The following FRAS1 variants were observed in gnomAD, a reference collection of about 807,000 sequenced individuals.
The protein encoded by FRAS1 is extracellular matrix organizing protein FRAS1.
A neutral mutation model predicts 435.2 loss-of-function variants in FRAS1; 290 were observed. That is an observed-to-expected ratio of 0.67 (90% CI 0.61 to 0.73). The LOEUF (loss-of-function observed/expected upper bound fraction) is 0.73. Ranked by LOEUF, FRAS1 falls within the 30% of genes least tolerant of loss-of-function variation. FRAS1 has a pLI of 0.00. For synonymous variants in FRAS1, 1,800 were observed against 1,851.0 expected, an observed-to-expected ratio of 0.97 and a Z score of 0.71; for missense variants, 4,860 against 5,001.5, an observed-to-expected ratio of 0.97 and a Z score of 0.85.
intron 23 of FRAS1, among the ~76,000 whole-genome samples, chr4:78,370,363 G>A (rs1268801265): frequency 6.6e-6 from 1 of 152,180 alleles, no homozygotes; most frequent in Non-Finnish European, 1.5e-5. Flanking sequence ...CAAAAATTGA[G>A]ATTTTCAAGT....
chr4:78,359,292 G>GA (rs1369042005), intron 20 of FRAS1, among the ~76,000 whole-genome samples: 1 of 22,918 alleles, frequency 4.4e-5, no homozygotes, highest in Non-Finnish European at 1.4e-4. Flanking sequence ...ATACTTTTCT[G>GA]TTATAAGTCA....
At chr4:78,360,058 T>G (rs1338291862) in intron 20 of FRAS1, among the ~76,000 whole-genome samples, 1 of 152,106 alleles carries the variant, frequency 6.6e-6, no homozygotes, top group Admixed American at 6.5e-5. Flanking sequence ...GAGACTTGAT[T>G]AGGAGGATAG....
At chr4:78,396,368 C>T (rs1484346) in intron 29 of FRAS1, among the ~76,000 whole-genome samples, 21,228 of 152,050 alleles carry the variant, frequency 0.14, 1,868 homozygotes, top group African/African-American at 0.25. Flanking sequence ...AATTAATGTC[C>T]TTTCATTTCA....
rs766880913 is a variant in FRAS1 at position 78,541,006 on chromosome 4, G to T, written c.11921G>T (p.Arg3974Leu). The change falls in exon 74 of 74, where the codon CGG becomes CTG. Residue 3974 changes from arginine (R) to leucine (L), a missense_variant. Transcript: ENST00000512123. ...GTGAATAGACACTACTGCACTGTGC[G>T]GAACGTCAACATCCTGAGTGAGCCT... ...KNVNRHYCTV[R>L]NVNILSEPEA... is the part of the protein sequence containing the mutation. 26 of 1,564,748 alleles carry T rather than the reference G, an allele frequency of 1.7e-5. No homozygotes were observed. The highest frequency in any genetic ancestry group is 2.3e-5 in the Non-Finnish European group (26 of 1,151,616).
In FRAS1 at chr4:78,109,424, G is replaced by T. The variant is rs1434994599; in HGVS notation, c.108+43408G>T. Among the ~76,000 whole-genome samples the T allele has an allele frequency of 4.0e-5, 6 of 151,412 alleles. No homozygotes were observed. In the South Asian group the frequency reaches 1.1e-3, roughly 27 times the overall value. On this transcript the variant is annotated intron_variant, in intron 2 of 73. Transcript: ENST00000512123. ...CCATGATCAAGTGGGCTTCATCCCTGGGATGCAAGGCTGGTTCAACATACG... is the reference window on the plus strand; with the variant it reads ...CCATGATCAAGTGGGCTTCATCCCTTGGATGCAAGGCTGGTTCAACATACG...
At chr4:78,204,525 G>C (rs1460445523) in intron 2 of FRAS1, among the ~76,000 whole-genome samples, 1 of 152,132 alleles carries the variant, frequency 6.6e-6, no homozygotes, top group African/African-American at 2.4e-5. Context: ...CTCTTTTAAA[G>C]GCGTAATTAT....
chr4:78,475,552 CT>C lies in FRAS1; in HGVS notation c.7798del (p.Ser2600ProfsTer13). On this transcript the variant is annotated frameshift_variant, in exon 54 of 74. Transcript: ENST00000512123. LOFTEE classifies it high-confidence loss of function. ...CCGAGCAAGGCACCGCCAGCTCCAGCTCCAGGGTCAGCTCCCAACCTGGGCA... is the reference window on the plus strand; with the variant it reads ...CCGAGCAAGGCACCGCCAGCTCCAGCCCAGGGTCAGCTCCCAACCTGGGCA... ...RTEQGTASSS[S>X]RVSSQPGQQD... 6.2e-7 allele frequency: 1 copy of C among 1,613,580 alleles called. No homozygotes were observed. Among genetic ancestry groups the C allele is most frequent in the Non-Finnish European group, 8.5e-7 (1 of 1,179,634 alleles).
intron 73 of FRAS1, among the ~76,000 whole-genome samples, chr4:78,540,177 GTAAA>G (rs1722004336): frequency 6.6e-6 from 1 of 152,182 alleles, no homozygotes; most frequent in Non-Finnish European, 1.5e-5. Flanking sequence ...GAAGGTCACT[GTAAA>G]TAAATGTGGT....
Position 78,432,435 on chromosome 4 carries a change from G to A in FRAS1, c.5048G>A (p.Ser1683Asn). 2 of 1,612,916 alleles carry A rather than the reference G, an allele frequency of 1.2e-6. No homozygotes were observed. The highest frequency in any genetic ancestry group is 1.1e-5 in the South Asian group (1 of 90,728). The part of the protein sequence containing the change: ...IHDGSSTRED[S>N]MEISVTDGLT... ...GATGGTTCCTCTACCCGGGAAGACA[G>A]CATGGAGATCTCAGTCACAGATGGC... is the stretch of plus-strand genomic sequence containing the variant. The change falls in exon 38 of 74, where the codon AGC becomes AAC. Residue 1683 changes from serine to asparagine, a missense_variant. By Grantham distance (46) the Ser-to-Asn change is conservative. Transcript: ENST00000512123.
At chr4:78,188,676 T>C (rs1372226732) in intron 2 of FRAS1, among the ~76,000 whole-genome samples, 1 of 152,228 alleles carries the variant, frequency 6.6e-6, no homozygotes, top group Non-Finnish European at 1.5e-5. Flanking sequence ...CTGGGGACTG[T>C]AGCTTAGCCA....
intron 18 of FRAS1, among the ~76,000 whole-genome samples, chr4:78,331,284 G>A (rs1437961417): frequency 6.6e-6 from 1 of 152,124 alleles, no homozygotes; most frequent in Non-Finnish European, 1.5e-5. Context: ...TTATTAACCA[G>A]TAAGGCAGGG....
At chr4:78,289,589 TCA>T (rs1317103159) in intron 14 of FRAS1, among the ~76,000 whole-genome samples, 2 of 152,166 alleles carry the variant, frequency 1.3e-5, no homozygotes, top group African/African-American at 4.8e-5. Context: ...GTTCTGGCAC[TCA>T]GACTTCTGCT....
At chr4:78,180,585 A>C (rs981298577) in intron 2 of FRAS1, among the ~76,000 whole-genome samples, 2 of 152,238 alleles carry the variant, frequency 1.3e-5, no homozygotes, top group Non-Finnish European at 2.9e-5. Flanking sequence ...ATTTGCAAGC[A>C]GCAATACAAA....
intron 16 of FRAS1, 56 bp downstream of exon 16, chr4:78,315,790 A>G (rs1041421106): frequency 2.1e-5 from 33 of 1,592,240 alleles, no homozygotes; most frequent in African/African-American, 5.4e-5. Context: ...ATGTTTGACT[A>G]TACTTGGTGT....
intron 15 of FRAS1, among the ~76,000 whole-genome samples, chr4:78,313,097 C>T (rs900991024): frequency 2.6e-5 from 4 of 152,080 alleles, no homozygotes; most frequent in African/African-American, 9.7e-5. Flanking sequence ...TGCAATTTTT[C>T]ATTTCTTGGA....
intron 18 of FRAS1, among the ~76,000 whole-genome samples, chr4:78,331,170 AG>A (rs1189378970): frequency 6.6e-6 from 1 of 152,226 alleles, no homozygotes; most frequent in Non-Finnish European, 1.5e-5. Flanking sequence ...TTTAAGAAAA[AG>A]AACGTTAATT....
At chr4:78,515,323 C>CTTT (rs78491600) in intron 65 of FRAS1, among the ~76,000 whole-genome samples, 18,186 of 136,030 alleles carry the variant, frequency 0.13, 1,440 homozygotes, top group Non-Finnish European at 0.19. Flanking sequence ...GGTATGCTGG[C>CTTT]TTTTTTTTTT....
intron 2 of FRAS1, among the ~76,000 whole-genome samples, chr4:78,161,769 A>G (rs971255479): frequency 1.4e-5 from 2 of 141,960 alleles, no homozygotes; most frequent in East Asian, 2.0e-4. Context: ...AAAAAAAAAA[A>G]AAAGAAAAGA....
At chr4:78,403,121 G>A (rs557614266) in intron 30 of FRAS1, among the ~76,000 whole-genome samples, 5 of 152,066 alleles carry the variant, frequency 3.3e-5, no homozygotes, top group Admixed American at 2.0e-4. Flanking sequence ...TATTTTTAAG[G>A]TCCTTTTCAT....
Sources: gnomAD v4.1 joint callset for allele counts (sites outside exome capture counted in the v4.1 genomes callset) on GRCh38, gnomAD v4.1.1 for gene constraint, MANE v1.5 for transcripts, NCBI Gene and HGNC (gene_info 2026-07-23, HGNC 2026-07-21) for gene names.